SPON1: variants seen among roughly 807,000 people sequenced by gnomAD.
The protein encoded by SPON1 is spondin-1.
In SPON1, 52 loss-of-function variants were observed where a neutral mutation model predicts 111.7. That is an observed-to-expected ratio of 0.47 (90% CI 0.37 to 0.59). SPON1 has a LOEUF of 0.59. Among genes scored for constraint, SPON1 ranks in the 20% least tolerant of loss-of-function variants. The probability of loss-of-function intolerance (pLI) is 0.00; values close to 1 mark genes in which losing one functional copy is unlikely to be tolerated. For synonymous variants in SPON1, 410 were observed against 395.8 expected, an observed-to-expected ratio of 1.04 and a Z score of -0.43; for missense variants, 957 against 1,068.5, an observed-to-expected ratio of 0.90 and a Z score of 1.46.
At chr11:14,025,816 C>G (rs1432697045) in intron 2 of SPON1, among the ~76,000 whole-genome samples, 1 of 152,112 alleles carries the variant, frequency 6.6e-6, no homozygotes, top group Non-Finnish European at 1.5e-5. Context: ...CCAGAGCCCC[C>G]AGAGGTTGCT....
chr11:14,068,186 T>C (rs1288878145), intron 3 of SPON1, among the ~76,000 whole-genome samples: 1 of 152,194 alleles, frequency 6.6e-6, no homozygotes, highest in Non-Finnish European at 1.5e-5. Context: ...AGTAATGGTA[T>C]TGACAAGTTA....
chr11:14,198,693 A>G (rs1423816538), intron 6 of SPON1, among the ~76,000 whole-genome samples: 1 of 152,232 alleles, frequency 6.6e-6, no homozygotes, highest in African/African-American at 2.4e-5. Context: ...CTTTCGGGGT[A>G]AATAAAGGAT....
At chr11:14,040,437 ATACT>A (rs1192486066) in intron 2 of SPON1, among the ~76,000 whole-genome samples, 3 of 152,190 alleles carry the variant, frequency 2.0e-5, no homozygotes, top group South Asian at 2.1e-4. Flanking sequence ...AACAACACAA[ATACT>A]TAGGAGTGAA....
At chr11:13,983,071 G>A in intron 2 of SPON1, 118 bp downstream of exon 2, 1 of 655,280 alleles carries the variant, frequency 1.5e-6, no homozygotes, top group South Asian at 1.9e-5. Flanking sequence ...GCCAACGGGG[G>A]CAGGTCCATT....
At chr11:14,098,707 AGACAGAGGGAGAAGAGG>A (rs1849121560) in intron 5 of SPON1, among the ~76,000 whole-genome samples, 1 of 152,014 alleles carries the variant, frequency 6.6e-6, no homozygotes, top group Non-Finnish European at 1.5e-5. Flanking sequence ...AGGGGAAGAG[AGACAGAGGGAGAAGAGG>A]AGAGAGAGGG....
chr11:14,219,090 C>T (rs950255310), intron 6 of SPON1, among the ~76,000 whole-genome samples: 9 of 152,118 alleles, frequency 5.9e-5, no homozygotes, highest in Non-Finnish European at 8.8e-5. Context: ...TGTAGAAAGC[C>T]ATCCTGCTCA....
At chr11:14,229,587 C>T (rs782753466) in intron 6 of SPON1, among the ~76,000 whole-genome samples, 6 of 152,190 alleles carry the variant, frequency 3.9e-5, no homozygotes, top group Non-Finnish European at 7.3e-5. Context: ...AACCTCCATG[C>T]ACTGTGATTA....
At chr11:14,096,599 C>G (rs1317873748) in intron 5 of SPON1, among the ~76,000 whole-genome samples, 1 of 152,188 alleles carries the variant, frequency 6.6e-6, no homozygotes, top group African/African-American at 2.4e-5. Flanking sequence ...GTGGGTGGTC[C>G]TCTTCCAGCA....
At chr11:13,971,876 G>T (rs1554908629) in intron 1 of SPON1, among the ~76,000 whole-genome samples, 1 of 152,168 alleles carries the variant, frequency 6.6e-6, no homozygotes, top group Non-Finnish European at 1.5e-5. Flanking sequence ...TTCCTTAGGT[G>T]GCCACAATCA....
intron 2 of SPON1, among the ~76,000 whole-genome samples, chr11:13,992,432 A>C (rs1478443462): frequency 6.6e-6 from 1 of 152,110 alleles, no homozygotes; most frequent in Admixed American, 6.5e-5. Context: ...TCCCAGGTCC[A>C]TCTCAGACTG....
chr11:14,253,111 G>A (rs1009147460), intron 7 of SPON1, among the ~76,000 whole-genome samples: 1 of 152,194 alleles, frequency 6.6e-6, no homozygotes, highest in Non-Finnish European at 1.5e-5. Flanking sequence ...GGGGTGCATG[G>A]GAGGCAGCAC....
intron 2 of SPON1, among the ~76,000 whole-genome samples, chr11:13,993,222 G>A (rs956123476): frequency 1.1e-4 from 16 of 151,978 alleles, no homozygotes; most frequent in African/African-American, 3.6e-4. Context: ...CTAGTACCAG[G>A]GAAAGTAAGA....
At chr11:14,196,556 A>G (rs1848404630) in intron 6 of SPON1, among the ~76,000 whole-genome samples, 2 of 152,244 alleles carry the variant, frequency 1.3e-5, no homozygotes, top group Non-Finnish European at 2.9e-5. Context: ...AGGGAGGAAA[A>G]CAGATCAAAC....
At position 14,034,780 on chromosome 11, in the gene SPON1, G is replaced by C. The variant is rs1177491603; in HGVS notation, c.346-6741G>C. On this transcript the variant is annotated intron_variant, in intron 2 of 15. Transcript: ENST00000576479. ...CAGTTCCTCATCTGTAAAATCTTCT[G>C]TTCCTATCAAAGGTCCAGTGATATG... 2.0e-5 allele frequency among the ~76,000 whole-genome samples: 3 copies of C among 152,150 alleles called. No homozygotes were observed. The East Asian group carries it at 5.8e-4, about 29-fold the overall frequency.
chr11:14,219,002 A>C (rs576837703), intron 6 of SPON1, among the ~76,000 whole-genome samples: 4 of 152,310 alleles, frequency 2.6e-5, no homozygotes, highest in African/African-American at 9.6e-5. Flanking sequence ...GACTTAGCTG[A>C]GGAAGAATTT....
At chr11:14,101,355 A>G (rs1268972905) in intron 5 of SPON1, among the ~76,000 whole-genome samples, 1 of 152,144 alleles carries the variant, frequency 6.6e-6, no homozygotes, top group Non-Finnish European at 1.5e-5. Context: ...AGCAGAGATC[A>G]TGCCATTGCA....
intron 5 of SPON1, among the ~76,000 whole-genome samples, chr11:14,115,965 G>A (rs111909861): frequency 7.2e-5 from 11 of 152,314 alleles, no homozygotes; most frequent in African/African-American, 2.6e-4. Context: ...ATGTAGTAGT[G>A]ATATCACGTT....
At chr11:14,159,628 T>C (rs10832218) in intron 6 of SPON1, among the ~76,000 whole-genome samples, 60,853 of 151,826 alleles carry the variant, frequency 0.4, 12,388 homozygotes, top group East Asian at 0.55. Context: ...AATTTGGAAA[T>C]GACCAAAGTG....
intron 6 of SPON1, among the ~76,000 whole-genome samples, chr11:14,147,750 A>ATTTTT (rs2133866754): frequency 1.1e-5 from 1 of 90,004 alleles, no homozygotes; most frequent in Non-Finnish European, 2.5e-5. Flanking sequence ...AAATACTAAG[A>ATTTTT]CTTTTTTTTT....
Sources: gnomAD v4.1 joint callset for allele counts (sites outside exome capture counted in the v4.1 genomes callset) on GRCh38, gnomAD v4.1.1 for gene constraint, MANE v1.5 for transcripts, NCBI Gene and HGNC (gene_info 2026-07-23, HGNC 2026-07-21) for gene names.